Variants in UHRF2 observed in about 807,000 individuals in gnomAD.
UHRF2 encodes E3 ubiquitin-protein ligase UHRF2.
A neutral mutation model predicts 96.8 loss-of-function variants in UHRF2; 23 were observed. The ratio of observed to expected loss-of-function variants is 0.24; its 90% CI spans 0.17 to 0.34. The LOEUF is 0.34. Among genes scored for constraint, UHRF2 ranks in the 10% least tolerant of loss-of-function variants. The pLI is 1.00. For missense variants in UHRF2, 685 were observed against 981.5 expected (o/e 0.70, Z 4.04); for synonymous variants, 385 against 332.6 (o/e 1.16, Z -1.72).
chr9:6,429,883 T>G (rs1362229878), intron 2 of UHRF2, among the ~76,000 whole-genome samples: 2 of 152,238 alleles, frequency 1.3e-5, no homozygotes, highest in African/African-American at 2.4e-5. Context: ...AAACAAATGG[T>G]ACCTAGCATA....
intron 2 of UHRF2, among the ~76,000 whole-genome samples, chr9:6,429,474 G>A (rs1015592092): frequency 2.6e-5 from 4 of 152,020 alleles, no homozygotes; most frequent in African/African-American, 9.7e-5. Flanking sequence ...GAGTATAGTG[G>A]CGGGATCCAC....
intron 14 of UHRF2, among the ~76,000 whole-genome samples, chr9:6,502,391 A>AT (rs1166207946): frequency 6.6e-6 from 1 of 152,192 alleles, no homozygotes; most frequent in Non-Finnish European, 1.5e-5. Flanking sequence ...TTAAGTCTGT[A>AT]TAAATAGATT....
chr9:6,428,246 A>T (rs1820367290), intron 2 of UHRF2, among the ~76,000 whole-genome samples: 2 of 152,182 alleles, frequency 1.3e-5, no homozygotes, highest in South Asian at 2.1e-4. Flanking sequence ...AATGTATTAG[A>T]CAATACAAAG....
At chr9:6,496,192 C>A (rs1824955214) in intron 10 of UHRF2, 1 of 151,538 alleles carries the variant, frequency 6.6e-6, no homozygotes, top group Admixed American at 6.6e-5. Context: ...AGAATTAAAC[C>A]CTGAAGAAGT....
At chr9:6,423,928 C>T (rs2130732741) in intron 2 of UHRF2, among the ~76,000 whole-genome samples, 1 of 151,102 alleles carries the variant, frequency 6.6e-6, no homozygotes, top group African/African-American at 2.4e-5. Context: ...CTGGGCGACA[C>T]AGTGAGACTC....
At chr9:6,419,675 CTAGTT>C (rs1418743440) in intron 1 of UHRF2, among the ~76,000 whole-genome samples, 1 of 152,130 alleles carries the variant, frequency 6.6e-6, no homozygotes, top group Non-Finnish European at 1.5e-5. Flanking sequence ...GAAATTAAAT[CTAGTT>C]TAGAGTTTTT....
intron 8 of UHRF2, among the ~76,000 whole-genome samples, chr9:6,485,198 A>G (rs1824196258): frequency 6.6e-6 from 1 of 152,170 alleles, no homozygotes; most frequent in East Asian, 1.9e-4. Flanking sequence ...CAGTATTCAG[A>G]GTTTAGGTTA....
At chr9:6,462,713 T>C (rs1822620304) in intron 4 of UHRF2, among the ~76,000 whole-genome samples, 1 of 151,014 alleles carries the variant, frequency 6.6e-6, no homozygotes, top group South Asian at 2.1e-4. Context: ...GGTCAGGAGT[T>C]CGAGACCAGC....
chr9:6,469,681 T>TATATATATACACGTATACAC (rs1823103617), intron 4 of UHRF2, among the ~76,000 whole-genome samples: 2 of 87,648 alleles, frequency 2.3e-5, no homozygotes, highest in Admixed American at 2.3e-4. Context: ...TGTGTGTATG[T>TATATATATACACGTATACAC]ATATATATAC....
At chr9:6,497,445 C>T (rs957329496) in intron 11 of UHRF2, 85 bp downstream of exon 11, 4 of 1,454,758 alleles carry the variant, frequency 2.7e-6, no homozygotes, top group Non-Finnish European at 3.7e-6. Context: ...TGTGGGTGGG[C>T]TCGAGGAAAC....
intron 3 of UHRF2, among the ~76,000 whole-genome samples, chr9:6,451,294 T>A (rs779834566): frequency 1.2e-4 from 18 of 152,210 alleles, no homozygotes; most frequent in African/African-American, 1.7e-4. Flanking sequence ...TTGTGTAGTT[T>A]CGTTCATTAT....
chr9:6,413,913 T>G, intron 1 of UHRF2: 1 of 333,980 alleles, frequency 3.0e-6, no homozygotes, highest in Non-Finnish European at 5.3e-6. Context: ...TTGTATTTGG[T>G]AGGACAGCGG....
chr9:6,473,351 T>G (rs941482695), intron 4 of UHRF2, among the ~76,000 whole-genome samples: 7 of 152,242 alleles, frequency 4.6e-5, no homozygotes, highest in African/African-American at 1.7e-4. Context: ...TTAAAACTGC[T>G]AAGTCAGCAT....
intron 9 of UHRF2, chr9:6,492,242 A>T: frequency 4.1e-6 from 3 of 729,744 alleles, no homozygotes; most frequent in Non-Finnish European, 6.0e-6. Context: ...CATTTGTCTT[A>T]TTATGCTCTC....
intron 2 of UHRF2, among the ~76,000 whole-genome samples, chr9:6,423,720 T>A (rs1043090012): frequency 6.8e-6 from 1 of 146,618 alleles, no homozygotes; most frequent in Non-Finnish European, 1.5e-5. Flanking sequence ...CCGAGGCGGG[T>A]GGATCATGAG....
intron 4 of UHRF2, among the ~76,000 whole-genome samples, chr9:6,463,056 TG>T (rs1407062363): frequency 2.0e-5 from 3 of 152,006 alleles, no homozygotes; most frequent in Non-Finnish European, 4.4e-5. Context: ...CCAGGGTGGG[TG>T]GATCACCTGA....
chr9:6,484,403 TCCTCCTCCCTCCTC>T (rs367919732), intron 8 of UHRF2, among the ~76,000 whole-genome samples: 7 of 148,184 alleles, frequency 4.7e-5, no homozygotes, highest in African/African-American at 1.7e-4. Flanking sequence ...CTCCTCCTCC[TCCTCCTCCCTCCTC>T]CCTCCTCCCT....
intron 3 of UHRF2, among the ~76,000 whole-genome samples, chr9:6,442,541 C>A (rs909023021): frequency 6.6e-6 from 1 of 152,082 alleles, no homozygotes; most frequent in African/African-American, 2.4e-5. Context: ...TGCAGTGGCA[C>A]AAACATGGCT....
intron 10 of UHRF2, chr9:6,496,319 A>T (rs1824963954): frequency 6.6e-6 from 1 of 152,200 alleles, no homozygotes. Context: ...GTCCTAGAGG[A>T]AAATGCTAAT....
Sources: allele counts gnomAD v4.1 joint callset (sites outside exome capture counted in the v4.1 genomes callset), GRCh38; gene constraint gnomAD v4.1.1; transcripts MANE v1.5; gene names NCBI Gene and HGNC (gene_info 2026-07-23, HGNC 2026-07-21).